AK5: variants seen among roughly 807,000 people sequenced by gnomAD.
AK5 encodes adenylate kinase 5, also known as adenylate kinase isoenzyme 5.
A neutral mutation model predicts 69.5 loss-of-function variants in AK5; 27 were observed. The observed-to-expected ratio is 0.39, with a 90% confidence interval of 0.29 to 0.54. AK5 has a LOEUF of 0.54. Among genes scored for constraint, AK5 ranks in the 20% least tolerant of loss-of-function variants. The pLI is 0.71. For synonymous variants in AK5, 260 were observed against 244.4 expected (o/e 1.06, Z -0.60); for missense variants, 531 against 700.4 (o/e 0.76, Z 2.73).
intron 8 of AK5, among the ~76,000 whole-genome samples, chr1:77,428,581 G>C (rs1361882060): frequency 1.4e-5 from 2 of 143,254 alleles, no homozygotes; most frequent in Non-Finnish European, 3.0e-5. Flanking sequence ...TCAGGTTTAT[G>C]CTCTATCCAA....
chr1:77,369,885 G>A (rs1350482250), intron 6 of AK5, among the ~76,000 whole-genome samples: 1 of 152,222 alleles, frequency 6.6e-6, no homozygotes, highest in Non-Finnish European at 1.5e-5. Flanking sequence ...AGTTAAGAGT[G>A]TAGTCATGCC....
chr1:77,522,108 A>G (rs973242926), intron 12 of AK5, among the ~76,000 whole-genome samples, 165 bp downstream of exon 12: 1 of 152,208 alleles, frequency 6.6e-6, no homozygotes, highest in African/African-American at 2.4e-5. Context: ...TTATTGACTT[A>G]AGTAACTAAA....
chr1:77,344,331 T>G (rs1570413434), intron 6 of AK5, among the ~76,000 whole-genome samples: 1 of 152,346 alleles, frequency 6.6e-6, no homozygotes, highest in East Asian at 1.9e-4. Context: ...GGCTAGTATA[T>G]TAGAAACTTC....
chr1:77,324,910 C>G (rs1413713273), intron 5 of AK5, among the ~76,000 whole-genome samples: 2 of 151,730 alleles, frequency 1.3e-5, no homozygotes, highest in Non-Finnish European at 2.9e-5. Flanking sequence ...CAGCCTCTAA[C>G]TTGAAGCTTG....
intron 10 of AK5, among the ~76,000 whole-genome samples, chr1:77,496,841 A>C (rs1656343060): frequency 6.6e-6 from 1 of 152,206 alleles, no homozygotes; most frequent in African/African-American, 2.4e-5. Context: ...AAAATGGACC[A>C]ATCAGCACTC....
chr1:77,346,372 A>T (rs1266809620), intron 6 of AK5: 2 of 152,264 alleles, frequency 1.3e-5, no homozygotes, highest in African/African-American at 4.8e-5. Context: ...CAACACTAAC[A>T]TTTAAAGTAT....
At chr1:77,471,670 T>C (rs1184733102) in intron 8 of AK5, among the ~76,000 whole-genome samples, 1 of 152,216 alleles carries the variant, frequency 6.6e-6, no homozygotes, top group South Asian at 2.1e-4. Flanking sequence ...GTATCTGTCA[T>C]TGGAGTGCCA....
intron 8 of AK5, among the ~76,000 whole-genome samples, chr1:77,482,245 T>G (rs1655296495): frequency 6.6e-6 from 1 of 152,148 alleles, no homozygotes; most frequent in Non-Finnish European, 1.5e-5. Context: ...AGTGGAGAAA[T>G]GATACAGGTG....
At chr1:77,530,613 G>C (rs767827571) in intron 12 of AK5, among the ~76,000 whole-genome samples, 1 of 152,110 alleles carries the variant, frequency 6.6e-6, no homozygotes, top group Non-Finnish European at 1.5e-5. Flanking sequence ...AATAACATTA[G>C]CTCCCATTTA....
At chr1:77,416,195 G>GA (rs1380976824) in intron 7 of AK5, among the ~76,000 whole-genome samples, 1 of 152,074 alleles carries the variant, frequency 6.6e-6, no homozygotes, top group East Asian at 1.9e-4. Flanking sequence ...TACAAAGGTA[G>GA]AAAAATTATG....
intron 8 of AK5, among the ~76,000 whole-genome samples, chr1:77,457,521 T>C (rs1386012206): frequency 6.6e-6 from 1 of 152,202 alleles, no homozygotes; most frequent in Non-Finnish European, 1.5e-5. Context: ...TTATTTCAGC[T>C]ATCATAGTTT....
chr1:77,328,154 A>G (rs1660902320), intron 5 of AK5, among the ~76,000 whole-genome samples: 1 of 152,214 alleles, frequency 6.6e-6, no homozygotes, highest in Non-Finnish European at 1.5e-5. Context: ...GAAAAGAAAT[A>G]GCTTTGTAAC....
intron 8 of AK5, among the ~76,000 whole-genome samples, chr1:77,418,794 T>C (rs1312497082): frequency 6.6e-6 from 1 of 150,946 alleles, no homozygotes; most frequent in Non-Finnish European, 1.5e-5. Context: ...CAGACCAGTG[T>C]CCATGTGTAA....
intron 5 of AK5, among the ~76,000 whole-genome samples, chr1:77,332,354 CT>C (rs1661133225): frequency 1.3e-5 from 2 of 149,998 alleles, no homozygotes; most frequent in Non-Finnish European, 3.0e-5. Context: ...TACTCTTTAT[CT>C]TTTCTTCTTT....
At chr1:77,312,625 A>C (rs1259572816) in intron 5 of AK5, among the ~76,000 whole-genome samples, 4 of 152,096 alleles carry the variant, frequency 2.6e-5, no homozygotes, top group East Asian at 1.9e-4. Context: ...AAAAAAAAAA[A>C]AAAACAAAAA....
chr1:77,423,469 T>A (rs1015185287), intron 8 of AK5, among the ~76,000 whole-genome samples: 24 of 152,158 alleles, frequency 1.6e-4, no homozygotes, highest in African/African-American at 5.5e-4. Context: ...TGCTGCTCTA[T>A]CCTAACAACC....
chr1:77,454,541 T>C (rs1250234857), intron 8 of AK5, among the ~76,000 whole-genome samples: 1 of 152,244 alleles, frequency 6.6e-6, no homozygotes, highest in Non-Finnish European at 1.5e-5. Flanking sequence ...TAACAAAATA[T>C]ATTTAAATTC....
In AK5 at chr1:77,475,388, GTA is replaced by G. The variant is rs1180343414; in HGVS notation, c.1060-7920_1060-7919del. Among the ~76,000 whole-genome samples, 17 of 15,726 alleles carry G rather than the reference GTA, an allele frequency of 1.1e-3. No individual in the cohort carries two copies. The East Asian group carries it at 0.022, about 21-fold the overall frequency. The allele number at this position is 15,726 out of a possible 152,430, so 10.3% of individuals were successfully genotyped here. On this transcript the variant is annotated intron_variant, in intron 8 of 13. Transcript: ENST00000354567. ...ATATACAAATATATATTATATATAT[GTA>G]TATATATAATATATATGTATATATA...
intron 8 of AK5, among the ~76,000 whole-genome samples, chr1:77,447,166 T>C (rs767966348): frequency 6.6e-6 from 1 of 152,258 alleles, no homozygotes; most frequent in African/African-American, 2.4e-5. Context: ...GCTATCTCCA[T>C]TGGCCCTGGG....
Sources: gnomAD v4.1 joint callset for allele counts (sites outside exome capture counted in the v4.1 genomes callset) on GRCh38, gnomAD v4.1.1 for gene constraint, MANE v1.5 for transcripts, NCBI Gene and HGNC (gene_info 2026-07-23, HGNC 2026-07-21) for gene names.